CAAP1: variants seen among roughly 807,000 people sequenced by gnomAD.
CAAP1 encodes the protein caspase activity and apoptosis inhibitor 1, also known as conserved anti-apoptotic protein.
Under a neutral mutation model 34.0 loss-of-function variants are expected in CAAP1, and 20 were observed. That is an observed-to-expected ratio of 0.59 (90% CI 0.41 to 0.86). The LOEUF is 0.86. Among genes scored for constraint, CAAP1 ranks in the 40% least tolerant of loss-of-function variants. The probability of loss-of-function intolerance (pLI) is 0.00; values close to 1 mark genes in which losing one functional copy is unlikely to be tolerated. For missense variants in CAAP1, 538 were observed against 450.5 expected (o/e 1.19, Z -1.76); for synonymous variants, 213 against 166.7 (o/e 1.28, Z -2.14).
intron 4 of CAAP1, among the ~76,000 whole-genome samples, chr9:26,870,990 C>T (rs1239085260): frequency 6.6e-6 from 1 of 152,046 alleles, no homozygotes; most frequent in Non-Finnish European, 1.5e-5. Flanking sequence ...CAATGCAGTT[C>T]TATAGAGCAC....
intron 4 of CAAP1, among the ~76,000 whole-genome samples, chr9:26,871,289 TAA>T (rs1823269111): frequency 6.6e-6 from 1 of 152,062 alleles, no homozygotes; most frequent in East Asian, 1.9e-4. Flanking sequence ...TTATTAAAAA[TAA>T]AAGAGACCAG....
chr9:26,876,140 T>A (rs1456284619), intron 4 of CAAP1, among the ~76,000 whole-genome samples: 3 of 152,204 alleles, frequency 2.0e-5, no homozygotes, highest in Admixed American at 1.3e-4. Flanking sequence ...TCTACTTCCA[T>A]CCTGTCTTTT....
intron 4 of CAAP1, among the ~76,000 whole-genome samples, chr9:26,867,501 A>T (rs1823167253): frequency 6.6e-6 from 1 of 152,194 alleles, no homozygotes. Context: ...ACATTCACAG[A>T]TTCTAGGGAT....
intron 4 of CAAP1, among the ~76,000 whole-genome samples, chr9:26,878,827 T>C (rs1658212683): frequency 6.6e-6 from 1 of 150,658 alleles, no homozygotes; most frequent in African/African-American, 2.5e-5. Flanking sequence ...AAAAAAAAAA[T>C]CCAACGCTTT....
At position 26,879,484 on chromosome 9, in the gene CAAP1, T is replaced by C. The variant is rs1435072289; in HGVS notation, c.665+5326A>G. Among the ~76,000 whole-genome samples the C allele has an allele frequency of 3.3e-5, 5 of 152,218 alleles. No individual in the cohort carries two copies. In the East Asian group the frequency reaches 9.6e-4, roughly 29 times the overall value. On this transcript the variant is annotated intron_variant, in intron 4 of 5. Coordinates refer to ENST00000333916, the MANE Select transcript of CAAP1 (RefSeq NM_024828.4). ...TTTCACTAACAATCATATACTTAGG[T>C]ACTGTGATGGTTATTAAGTGTCAAC...
chr9:26,875,118 T>TGG, intron 4 of CAAP1, among the ~76,000 whole-genome samples: 1 of 152,134 alleles, frequency 6.6e-6, no homozygotes, highest in Non-Finnish European at 1.5e-5. Context: ...CTCTTTCTAA[T>TGG]TAAAACTATA....
chr9:26,857,921 T>C (rs1295095011), intron 5 of CAAP1, among the ~76,000 whole-genome samples: 1 of 152,234 alleles, frequency 6.6e-6, no homozygotes, highest in African/African-American at 2.4e-5. Context: ...AATACTTGTG[T>C]ATTATTCAAG....
At chr9:26,844,572 A>C (rs1468889019) in intron 5 of CAAP1, among the ~76,000 whole-genome samples, 1 of 152,224 alleles carries the variant, frequency 6.6e-6, no homozygotes, top group Non-Finnish European at 1.5e-5. Flanking sequence ...AGAGCTGAAT[A>C]ATATAATGAG....
chr9:26,852,714 G>A (rs1027011523), intron 5 of CAAP1, among the ~76,000 whole-genome samples: 2 of 152,048 alleles, frequency 1.3e-5, no homozygotes, highest in East Asian at 1.9e-4. Context: ...TTTTCAAAAG[G>A]TGACTTCTAT....
At chr9:26,892,050 A>G (rs569766864) in intron 1 of CAAP1, among the ~76,000 whole-genome samples, 33 of 152,268 alleles carry the variant, frequency 2.2e-4, no homozygotes, top group African/African-American at 3.6e-4. Flanking sequence ...GGAGTTAACC[A>G]TATCTACGAA....
At chr9:26,864,443 G>T (rs1165884152) in intron 4 of CAAP1, among the ~76,000 whole-genome samples, 3 of 152,040 alleles carry the variant, frequency 2.0e-5, no homozygotes, top group Non-Finnish European at 4.4e-5. Flanking sequence ...CCCTCATCAA[G>T]CCCCTTCCTC....
intron 4 of CAAP1, among the ~76,000 whole-genome samples, chr9:26,876,472 GTTT>G (rs60742949): frequency 0.024 from 3,010 of 125,714 alleles, 106 homozygotes; most frequent in African/African-American, 0.08. Flanking sequence ...ATTCTAGAAG[GTTT>G]TTTTTTTTTT....
At chr9:26,880,242 A>G (rs12344019) in intron 4 of CAAP1, 3 of 415,182 alleles carry the variant, frequency 7.2e-6, no homozygotes, top group Non-Finnish European at 1.4e-5. Context: ...TTCAAAAAGG[A>G]CAACCAGATA....
chr9:26,861,193 T>C, intron 4 of CAAP1, 54 bp from the exon 5 acceptor site: 2 of 1,299,856 alleles, frequency 1.5e-6, no homozygotes, highest in Non-Finnish European at 2.2e-6. Flanking sequence ...CACATAATAT[T>C]TACTACCCAG....
At position 26,870,090 on chromosome 9, in the gene CAAP1, A is replaced by G. The variant is rs548573645; in HGVS notation, c.666-8951T>C. On this transcript the variant is annotated intron_variant, in intron 4 of 5. Coordinates refer to ENST00000333916, the MANE Select transcript of CAAP1 (RefSeq NM_024828.4). The stretch of plus-strand genomic sequence containing the variant: ...AGATGCAGCTACAAAAACAGATAAC[A>G]ATGCTTCCCAAGTCCCTCAAAGTTC... The G allele has an allele frequency of 5.7e-5, 16 of 280,718 alleles. No homozygotes were observed. In the East Asian group the frequency reaches 7.1e-4, roughly 12 times the overall value. The allele number at this position is 280,718 out of a possible 1,614,324, so 17.4% of individuals were successfully genotyped here. A position where few individuals can be genotyped will look rare whatever the true frequency, so the allele number is the denominator to read the frequency against.
chr9:26,847,566 A>G (rs532525193), intron 5 of CAAP1, among the ~76,000 whole-genome samples: 10 of 152,074 alleles, frequency 6.6e-5, no homozygotes, highest in Non-Finnish European at 1.2e-4. Context: ...TAGGTTGAGC[A>G]TTCTTTTCCA....
intron 1 of CAAP1, among the ~76,000 whole-genome samples, chr9:26,890,961 A>G (rs2131347484): frequency 6.6e-6 from 1 of 152,338 alleles, no homozygotes; most frequent in South Asian, 2.1e-4. Flanking sequence ...AACAAAAAAA[A>G]AGAAACACAT....
At position 26,842,050 on chromosome 9, in the gene CAAP1, T is replaced by C. The variant is rs531730377; in HGVS notation, c.*251A>G. 1.2e-4 allele frequency: 40 copies of C among 336,810 alleles called. No individual in the cohort carries two copies. Among genetic ancestry groups the C allele is most frequent in the Middle Eastern group, 1.7e-3 (2 of 1,200 alleles). 20.9% of individuals were successfully genotyped at this position (336,810 alleles called of 1,614,324 possible). A position where few individuals can be genotyped will look rare whatever the true frequency, so the allele number is the denominator to read the frequency against. On this transcript the variant is annotated 3_prime_UTR_variant, in exon 6 of 6. Transcript: ENST00000333916. The stretch of plus-strand genomic sequence containing the variant: ...TTTAAGATTTGCAGACACAGCTAAA[T>C]ACTCATCTAACAAAGTATCCAGGCT...
At chr9:26,864,700 T>C (rs1014969976) in intron 4 of CAAP1, among the ~76,000 whole-genome samples, 2 of 152,206 alleles carry the variant, frequency 1.3e-5, no homozygotes, top group African/African-American at 4.8e-5. Context: ...GAGGTGAGTA[T>C]AGTATCTCTT....
Sources: allele counts gnomAD v4.1 joint callset (sites outside exome capture counted in the v4.1 genomes callset), GRCh38; gene constraint gnomAD v4.1.1; transcripts MANE v1.5; gene names NCBI Gene and HGNC (gene_info 2026-07-23, HGNC 2026-07-21).